Variants in MAN1A1 observed in about 807,000 individuals in gnomAD.
MAN1A1 encodes the protein mannosidase alpha class 1A member 1.
Under a neutral mutation model 70.8 loss-of-function variants are expected in MAN1A1, and 29 were observed. The observed-to-expected ratio is 0.41, with a 90% confidence interval of 0.31 to 0.56. The LOEUF is 0.56. Ranked by LOEUF, MAN1A1 falls within the 20% of genes least tolerant of loss-of-function variation. The probability of loss-of-function intolerance (pLI) is 0.29; values close to 1 mark genes in which losing one functional copy is unlikely to be tolerated. For synonymous variants in MAN1A1, 349 were observed against 330.1 expected, an observed-to-expected ratio of 1.06 and a Z score of -0.62; for missense variants, 747 against 841.3, an observed-to-expected ratio of 0.89 and a Z score of 1.39.
chr6:119,302,570 C>T (rs1400355228), intron 3 of MAN1A1, among the ~76,000 whole-genome samples: 3 of 151,854 alleles, frequency 2.0e-5, no homozygotes, highest in East Asian at 1.9e-4. Flanking sequence ...TTAGTAGAGA[C>T]GGGGTTTCAC....
At chr6:119,330,425 C>A (rs1224276981) in intron 2 of MAN1A1, among the ~76,000 whole-genome samples, 1 of 152,128 alleles carries the variant, frequency 6.6e-6, no homozygotes, top group Non-Finnish European at 1.5e-5. Context: ...CCACAAAGTT[C>A]TATAAATTCC....
intron 8 of MAN1A1, among the ~76,000 whole-genome samples, chr6:119,197,770 A>T (rs955655947): frequency 6.6e-6 from 1 of 151,992 alleles, no homozygotes; most frequent in African/African-American, 2.4e-5. Context: ...CAGGAGAGAG[A>T]GCTAAGACTC....
At chr6:119,250,795 T>C (rs1775299286) in intron 5 of MAN1A1, among the ~76,000 whole-genome samples, 1 of 152,172 alleles carries the variant, frequency 6.6e-6, no homozygotes, top group Non-Finnish European at 1.5e-5. Context: ...AAATTCAACC[T>C]TCTATTTTAG....
At chr6:119,328,991 A>C (rs1434506683) in intron 2 of MAN1A1, among the ~76,000 whole-genome samples, 1 of 152,232 alleles carries the variant, frequency 6.6e-6, no homozygotes, top group Non-Finnish European at 1.5e-5. Context: ...ATTTTCAATA[A>C]GATAAATACA....
intron 4 of MAN1A1, among the ~76,000 whole-genome samples, chr6:119,291,108 T>A (rs1321110157): frequency 6.6e-6 from 1 of 152,010 alleles, no homozygotes; most frequent in Non-Finnish European, 1.5e-5. Flanking sequence ...TGTTGTGGGA[T>A]GGACCCGGTG....
At chr6:119,245,143 T>C (rs777759473) in intron 6 of MAN1A1, among the ~76,000 whole-genome samples, 1 of 152,258 alleles carries the variant, frequency 6.6e-6, no homozygotes, top group Non-Finnish European at 1.5e-5. Context: ...GTCTCTCCAG[T>C]GGTAATTCTT....
At chr6:119,250,106 ATTC>A (rs1775277134) in intron 5 of MAN1A1, among the ~76,000 whole-genome samples, 1 of 152,166 alleles carries the variant, frequency 6.6e-6, no homozygotes, top group Non-Finnish European at 1.5e-5. Flanking sequence ...CAAAGGGTAT[ATTC>A]TTCTTTCCCT....
chr6:119,241,516 T>A lies in MAN1A1; in HGVS notation c.992+6744A>T, dbSNP rs1031949814. 5.3e-5 allele frequency among the ~76,000 whole-genome samples: 8 copies of A among 152,320 alleles called. No individual in the cohort carries two copies. The South Asian group carries it at 1.7e-3, about 32-fold the overall frequency. Reference sequence around the variant, plus strand: ...AAATTATCAATTCTTAGTAAATACCTACAGAATCAGGCTCTCTGCTTATGA... The same window carrying A: ...AAATTATCAATTCTTAGTAAATACCAACAGAATCAGGCTCTCTGCTTATGA... On this transcript the variant is annotated intron_variant, in intron 6 of 12. Coordinates refer to ENST00000368468, the MANE Select transcript of MAN1A1 (RefSeq NM_005907.4).
intron 5 of MAN1A1, among the ~76,000 whole-genome samples, chr6:119,249,372 T>C (rs946841796): frequency 2.0e-5 from 3 of 152,168 alleles, no homozygotes; most frequent in African/African-American, 7.2e-5. Context: ...GAAGATTAAT[T>C]AGATGAGGCC....
At chr6:119,263,455 T>C (rs1043734579) in intron 5 of MAN1A1, among the ~76,000 whole-genome samples, 1 of 151,992 alleles carries the variant, frequency 6.6e-6, no homozygotes, top group Non-Finnish European at 1.5e-5. Flanking sequence ...AAACATTGAG[T>C]ACATATGGAC....
At chr6:119,201,019 T>C (rs929295453) in intron 8 of MAN1A1, among the ~76,000 whole-genome samples, 1 of 152,200 alleles carries the variant, frequency 6.6e-6, no homozygotes, top group Non-Finnish European at 1.5e-5. Context: ...CCCTTTCTGA[T>C]TAATAGCTGT....
intron 6 of MAN1A1, among the ~76,000 whole-genome samples, chr6:119,234,747 A>T (rs542038766): frequency 1.3e-5 from 2 of 152,286 alleles, no homozygotes; most frequent in Admixed American, 6.5e-5. Context: ...TTATACATTT[A>T]AAAAATTTAC....
intron 5 of MAN1A1, among the ~76,000 whole-genome samples, chr6:119,263,426 T>C (rs1775665710): frequency 6.6e-6 from 1 of 152,100 alleles, no homozygotes; most frequent in Non-Finnish European, 1.5e-5. Context: ...CCGCATGTTC[T>C]CACTTGTAAG....
chr6:119,198,117 C>A (rs116464730), intron 8 of MAN1A1, among the ~76,000 whole-genome samples: 1 of 152,282 alleles, frequency 6.6e-6, no homozygotes, highest in East Asian at 1.9e-4. Context: ...GGGCCAGGAG[C>A]GTGGCTCACG....
At chr6:119,297,158 G>T (rs948044677) in intron 4 of MAN1A1, among the ~76,000 whole-genome samples, 1 of 152,148 alleles carries the variant, frequency 6.6e-6, no homozygotes, top group Admixed American at 6.5e-5. Context: ...TTGTTCTTAT[G>T]CAACTGATCT....
At chr6:119,238,883 CTAT>C (rs757891513) in intron 6 of MAN1A1, among the ~76,000 whole-genome samples, 1 of 151,510 alleles carries the variant, frequency 6.6e-6, no homozygotes. Flanking sequence ...GAAACTGGGT[CTAT>C]TATTATTATT....
chr6:119,232,670 C>T (rs961716768), intron 6 of MAN1A1, among the ~76,000 whole-genome samples: 9 of 136,010 alleles, frequency 6.6e-5, no homozygotes, highest in African/African-American at 1.6e-4. Flanking sequence ...TTCATATATA[C>T]ACATATATAT....
chr6:119,343,795 T>C (rs1037832798), intron 2 of MAN1A1, among the ~76,000 whole-genome samples: 2 of 152,206 alleles, frequency 1.3e-5, no homozygotes, highest in African/African-American at 4.8e-5. Context: ...AAACCCTTCT[T>C]TGACCAACAT....
At chr6:119,222,845 C>A (rs1774402579) in intron 6 of MAN1A1, among the ~76,000 whole-genome samples, 1 of 152,164 alleles carries the variant, frequency 6.6e-6, no homozygotes, top group Admixed American at 6.5e-5. Flanking sequence ...CAGAATCTCT[C>A]TTCTCCTTGC....
Sources: allele counts gnomAD v4.1 joint callset (sites outside exome capture counted in the v4.1 genomes callset), GRCh38; gene constraint gnomAD v4.1.1; transcripts MANE v1.5; gene names NCBI Gene and HGNC (gene_info 2026-07-23, HGNC 2026-07-21).